Variants in MID1 observed in about 807,000 individuals in gnomAD.
MID1 encodes the protein E3 ubiquitin-protein ligase Midline-1.
A neutral mutation model predicts 40.4 loss-of-function variants in MID1; 7 were observed. The observed-to-expected ratio is 0.17, with a 90% CI of 0.10 to 0.33. MID1 has a LOEUF of 0.33. Among genes scored for constraint, MID1 ranks in the 10% least tolerant of loss-of-function variants. The pLI is 1.00. For synonymous variants in MID1, 229 were observed against 221.2 expected (o/e 1.04, Z -0.31); for missense variants, 367 against 558.5 (o/e 0.66, Z 3.46).
intron 1 of MID1, among the ~76,000 whole-genome samples, chrX:10,672,292 T>C (rs1484600214): frequency 1.8e-5 from 2 of 111,535 alleles, no homozygotes; most frequent in Middle Eastern, 4.7e-3. Flanking sequence ...TTGTCCACGT[T>C]CTAATCTCCC....
At chrX:10,713,804 T>G (rs1299261002) in intron 1 of MID1, among the ~76,000 whole-genome samples, 1 of 111,813 alleles carries the variant, frequency 8.9e-6, no homozygotes, top group Admixed American at 9.5e-5. Context: ...GTTCAGAACT[T>G]AAGTGTTGTC....
In MID1 at chrX:10,809,194, C is replaced by T. The variant is rs1385635090; in HGVS notation, c.-187+24360G>A. On this transcript the variant is annotated intron_variant, in intron 1 of 10. Transcript: ENST00000380785. Reference sequence around the variant, plus strand: ...ATGAAAAAATGCTCATCATCACTGGCCATCAGAGAAATGCAAATCAAAACC... The same window carrying T: ...ATGAAAAAATGCTCATCATCACTGGTCATCAGAGAAATGCAAATCAAAACC... Among the ~76,000 whole-genome samples the T allele has an allele frequency of 2.7e-5, 3 of 111,798 alleles. No individual in the cohort carries two copies. In the East Asian group the frequency reaches 8.4e-4, roughly 31 times the overall value.
chrX:10,748,344 A>G (rs2043574868), intron 1 of MID1, among the ~76,000 whole-genome samples: 1 of 112,020 alleles, frequency 8.9e-6, no homozygotes, highest in African/African-American at 3.2e-5. Flanking sequence ...TTTATTAGGT[A>G]TACTTTGTGG....
intron 1 of MID1, among the ~76,000 whole-genome samples, chrX:10,651,625 AT>A (rs1936317219): frequency 9.0e-6 from 1 of 111,090 alleles, no homozygotes; most frequent in Non-Finnish European, 1.9e-5. Flanking sequence ...TCCCCTCATG[AT>A]TTGTTTGTTT....
At chrX:10,605,322 G>A (rs952212451) in intron 1 of MID1, among the ~76,000 whole-genome samples, 7 of 111,864 alleles carry the variant, frequency 6.3e-5, no homozygotes, top group Admixed American at 5.7e-4. Context: ...GTAGGAAAGG[G>A]AAGTGTGCAT....
At chrX:10,520,069 T>G (rs1285196401) in intron 3 of MID1, among the ~76,000 whole-genome samples, 1 of 112,300 alleles carries the variant, frequency 8.9e-6, no homozygotes, top group Non-Finnish European at 1.9e-5. Flanking sequence ...GTTGCATAAA[T>G]AAGCTGACAC....
At chrX:10,801,752 G>C (rs1335600481) in intron 1 of MID1, among the ~76,000 whole-genome samples, 2 of 111,826 alleles carry the variant, frequency 1.8e-5, no homozygotes, top group African/African-American at 6.5e-5. Context: ...AATTATATAA[G>C]AAAACGTAGG....
At chrX:10,550,241 T>C (rs767574411) in intron 2 of MID1, among the ~76,000 whole-genome samples, 16 of 112,621 alleles carry the variant, frequency 1.4e-4, no homozygotes, top group Middle Eastern at 4.6e-3. Context: ...GGCTCTCCTG[T>C]CTCTGACACA....
At chrX:10,686,872 A>G in intron 1 of MID1, among the ~76,000 whole-genome samples, 1 of 111,921 alleles carries the variant, frequency 8.9e-6, no homozygotes, top group Middle Eastern at 4.6e-3. Flanking sequence ...CAGGCATCAG[A>G]TGCAGGCTGC....
At chrX:10,810,843 C>T (rs190705282) in intron 1 of MID1, among the ~76,000 whole-genome samples, 96 of 110,100 alleles carry the variant, frequency 8.7e-4, no homozygotes, top group Non-Finnish European at 2.5e-4. Context: ...TCCTCTCTGA[C>T]ACCCCTCTTT....
chrX:10,754,299 G>GTTTTTTTTTTTTTTTTTTTT (rs1268373586), intron 1 of MID1, among the ~76,000 whole-genome samples: 1 of 102,179 alleles, frequency 9.8e-6, no homozygotes, highest in African/African-American at 4.3e-5. Flanking sequence ...AGACAAGAGA[G>GTTTTTTTTTTTTTTTTTTTT]TTTTTTTTTG....
chrX:10,470,142 A>G (rs1017588211), intron 6 of MID1, among the ~76,000 whole-genome samples: 2 of 112,445 alleles, frequency 1.8e-5, no homozygotes, highest in African/African-American at 6.5e-5. Flanking sequence ...TTGTCAAATA[A>G]AAAGTAAACA....
chrX:10,487,781 C>T (rs1602292291), intron 4 of MID1, among the ~76,000 whole-genome samples: 1 of 111,289 alleles, frequency 9.0e-6, no homozygotes, highest in Admixed American at 9.6e-5. Context: ...ACTCCTTTCA[C>T]GCACCTTAAT....
At chrX:10,588,075 C>G (rs1333804712) in intron 1 of MID1, among the ~76,000 whole-genome samples, 1 of 111,945 alleles carries the variant, frequency 8.9e-6, no homozygotes, top group African/African-American at 3.2e-5. Context: ...CTGGATGATA[C>G]CTTTTTAACT....
At chrX:10,607,625 A>T (rs1162515328) in intron 1 of MID1, among the ~76,000 whole-genome samples, 1 of 112,659 alleles carries the variant, frequency 8.9e-6, no homozygotes, top group Non-Finnish European at 1.9e-5. Context: ...ATGAAGACAG[A>T]TCATGCCCCT....
At chrX:10,575,762 T>G (rs975429402) in intron 1 of MID1, among the ~76,000 whole-genome samples, 5 of 111,105 alleles carry the variant, frequency 4.5e-5, no homozygotes, top group African/African-American at 1.6e-4. Flanking sequence ...ATTGATAGCA[T>G]AATGTAGGCT....
At chrX:10,655,806 G>T (rs148023662) in intron 1 of MID1, among the ~76,000 whole-genome samples, 1 of 110,557 alleles carries the variant, frequency 9.0e-6, no homozygotes, top group African/African-American at 3.3e-5. Flanking sequence ...TGAGAGATGA[G>T]GTGGAGCAGC....
chrX:10,766,458 T>C (rs73484925), intron 1 of MID1, among the ~76,000 whole-genome samples: 6,778 of 111,842 alleles, frequency 0.061, 512 homozygotes, highest in African/African-American at 0.21. Flanking sequence ...GAATGTTCCA[T>C]GCAGACACAG....
At chrX:10,635,001 G>A (rs958336) in intron 1 of MID1, among the ~76,000 whole-genome samples, 2,185 of 112,251 alleles carry the variant, frequency 0.019, 52 homozygotes, top group African/African-American at 0.067. Flanking sequence ...GGCTCAGCTC[G>A]AATGTGATAT....
Sources: gnomAD v4.1 joint callset for allele counts (sites outside exome capture counted in the v4.1 genomes callset) on GRCh38, gnomAD v4.1.1 for gene constraint, MANE v1.5 for transcripts, NCBI Gene and HGNC (gene_info 2026-07-23, HGNC 2026-07-21) for gene names.